The following FSTL5 variants were observed in gnomAD, a reference collection of about 807,000 sequenced individuals.
FSTL5 encodes follistatin-related protein 5.
Under a neutral mutation model 89.1 loss-of-function variants are expected in FSTL5, and 62 were observed. The observed-to-expected ratio is 0.70, with a 90% CI of 0.57 to 0.86. The LOEUF (loss-of-function observed/expected upper bound fraction) is 0.86, where lower values mean the gene tolerates loss of function less well. FSTL5 is among the 40% of genes least tolerant of loss of function. The pLI is 0.00. For missense variants in FSTL5, 1,057 were observed against 1,001.6 expected, an observed-to-expected ratio of 1.06 and a Z score of -0.75; for synonymous variants, 383 against 346.2, an observed-to-expected ratio of 1.11 and a Z score of -1.18.
chr4:161,729,780 TATGATTAAAACTGAAC>T (rs1334375277), intron 6 of FSTL5, among the ~76,000 whole-genome samples: 2 of 152,160 alleles, frequency 1.3e-5, no homozygotes, highest in Non-Finnish European at 2.9e-5. Flanking sequence ...AACACTCGTT[TATGATTAAAACTGAAC>T]TCAATTCAGG....
intron 6 of FSTL5, among the ~76,000 whole-genome samples, chr4:161,746,825 T>C (rs188924845): frequency 6.6e-6 from 1 of 151,894 alleles, no homozygotes; most frequent in East Asian, 1.9e-4. Flanking sequence ...CCTAAGCCTC[T>C]TTTTTCACTA....
At chr4:161,674,974 G>A (rs1737252856) in intron 6 of FSTL5, among the ~76,000 whole-genome samples, 1 of 151,984 alleles carries the variant, frequency 6.6e-6, no homozygotes, top group South Asian at 2.1e-4. Flanking sequence ...TCTGAGATTG[G>A]CTTTATAATC....
intron 2 of FSTL5, among the ~76,000 whole-genome samples, chr4:162,047,072 T>C (rs990733919): frequency 6.6e-6 from 1 of 152,098 alleles, no homozygotes; most frequent in Non-Finnish European, 1.5e-5. Flanking sequence ...ATACAAAGAC[T>C]TATTTCCAGA....
At chr4:162,015,975 C>A (rs1210714533) in intron 3 of FSTL5, among the ~76,000 whole-genome samples, 1 of 152,106 alleles carries the variant, frequency 6.6e-6, no homozygotes, top group Non-Finnish European at 1.5e-5. Context: ...GGTCATGTTT[C>A]ACTAGCCACT....
At chr4:162,124,920 G>A (rs958937228) in intron 1 of FSTL5, among the ~76,000 whole-genome samples, 2 of 152,118 alleles carry the variant, frequency 1.3e-5, no homozygotes, top group African/African-American at 2.4e-5. Context: ...AGCCAGGATG[G>A]TCACAATCTC....
intron 3 of FSTL5, among the ~76,000 whole-genome samples, chr4:161,937,008 T>C (rs1734451694): frequency 6.6e-6 from 1 of 152,156 alleles, no homozygotes. Context: ...ATTTTCAATG[T>C]CCTTTTCTTA....
At chr4:161,760,726 T>C (rs911900401) in intron 5 of FSTL5, among the ~76,000 whole-genome samples, 1 of 152,232 alleles carries the variant, frequency 6.6e-6, no homozygotes, top group African/African-American at 2.4e-5. Context: ...CATGTTATGG[T>C]TGCACATTCA....
intron 13 of FSTL5, among the ~76,000 whole-genome samples, chr4:161,479,009 A>C (rs149957795): frequency 6.6e-6 from 1 of 152,162 alleles, no homozygotes; most frequent in Non-Finnish European, 1.5e-5. Flanking sequence ...ATAGAAATCT[A>C]CACAATAATT....
At chr4:161,599,937 G>T (rs573039494) in intron 7 of FSTL5, among the ~76,000 whole-genome samples, 1 of 151,832 alleles carries the variant, frequency 6.6e-6, no homozygotes, top group Admixed American at 6.6e-5. Context: ...ATATAACCTT[G>T]AATCATTCCT....
At chr4:162,087,339 A>T (rs1730360526) in intron 2 of FSTL5, among the ~76,000 whole-genome samples, 1 of 152,148 alleles carries the variant, frequency 6.6e-6, no homozygotes, top group Non-Finnish European at 1.5e-5. Context: ...AATTTTCTGC[A>T]TCAAACTGTA....
intron 15 of FSTL5, among the ~76,000 whole-genome samples, chr4:161,403,451 C>T (rs968106733): frequency 1.3e-5 from 2 of 152,128 alleles, no homozygotes; most frequent in African/African-American, 4.8e-5. Context: ...GGAAATGTAT[C>T]CAAAGGAGGC....
In FSTL5 at chr4:161,427,044, T is replaced by C. The variant is rs745893626; in HGVS notation, c.1841+27960A>G. On this transcript the variant is annotated intron_variant, in intron 15 of 15. Coordinates refer to ENST00000306100, the MANE Select transcript of FSTL5 (RefSeq NM_020116.5). Reference sequence around the variant, plus strand: ...TACTAATATGCAGGTATTATAAGTATACAAAATAGAATTTAGCTAGAGTTA... The same window carrying C: ...TACTAATATGCAGGTATTATAAGTACACAAAATAGAATTTAGCTAGAGTTA... Among the ~76,000 whole-genome samples, 24 of 152,336 alleles carry C rather than the reference T, an allele frequency of 1.6e-4. 2 individuals are homozygous for C. The Middle Eastern group carries it at 0.017, about 108-fold the overall frequency.
chr4:161,830,899 C>G (rs115189194), intron 4 of FSTL5, among the ~76,000 whole-genome samples: 5,737 of 151,954 alleles, frequency 0.038, 178 homozygotes, highest in Middle Eastern at 0.13. Context: ...CTCCCAGACC[C>G]CATAGGATTC....
chr4:161,481,229 A>G (rs1184302692), intron 12 of FSTL5, 60 bp from the exon 13 acceptor site: 1 of 1,290,230 alleles, frequency 7.8e-7, no homozygotes, highest in African/African-American at 1.5e-5. Flanking sequence ...ATGCCTGACA[A>G]TATCATGGGT....
chr4:161,689,217 T>C (rs191132110), intron 6 of FSTL5, among the ~76,000 whole-genome samples: 3 of 152,300 alleles, frequency 2.0e-5, no homozygotes, highest in Admixed American at 2.0e-4. Context: ...TCTTTTTCCA[T>C]GTTTAATAAA....
intron 1 of FSTL5, among the ~76,000 whole-genome samples, chr4:162,139,549 T>C (rs1374596224): frequency 6.6e-6 from 1 of 151,982 alleles, no homozygotes; most frequent in Non-Finnish European, 1.5e-5. Context: ...TTTACCTTTT[T>C]CCTGAGCAGA....
In FSTL5 at chr4:161,576,021, A is replaced by G. The variant is rs183071045; in HGVS notation, c.1015+11434T>C. On this transcript the variant is annotated intron_variant, in intron 8 of 15. Transcript: ENST00000306100. ...AAAATCACAACCATTCCTATATACC[A>G]ACAACAGACAAATAAAGAGCCAAAT... Among the ~76,000 whole-genome samples, 82 of 152,316 alleles carry G rather than the reference A, an allele frequency of 5.4e-4. 2 individuals are homozygous for G. The East Asian group carries it at 0.013, about 23-fold the overall frequency.
chr4:161,798,334 A>T (rs1054965270), intron 4 of FSTL5, among the ~76,000 whole-genome samples: 1 of 151,842 alleles, frequency 6.6e-6, no homozygotes, highest in Middle Eastern at 3.4e-3. Flanking sequence ...TATAAAATAC[A>T]GAAACATAAC....
At chr4:162,145,666 G>T (rs72986987) in intron 1 of FSTL5, among the ~76,000 whole-genome samples, 14,413 of 152,142 alleles carry the variant, frequency 0.095, 862 homozygotes, top group African/African-American at 0.16. Flanking sequence ...AGATAATGCT[G>T]TCTTTTCTAT....
Sources: gnomAD v4.1 joint callset for allele counts (sites outside exome capture counted in the v4.1 genomes callset) on GRCh38, gnomAD v4.1.1 for gene constraint, MANE v1.5 for transcripts, NCBI Gene and HGNC (gene_info 2026-07-23, HGNC 2026-07-21) for gene names.